The following DLGAP2 variants were observed in gnomAD, a reference collection of about 807,000 sequenced individuals.
The protein encoded by DLGAP2 is disks large-associated protein 2.
DLGAP2 carries 26 observed loss-of-function variants against 100.3 expected under a neutral mutation model. The ratio of observed to expected loss-of-function variants is 0.26; its 90% confidence interval spans 0.19 to 0.36. The LOEUF is 0.36. Among genes scored for constraint, DLGAP2 ranks in the 10% least tolerant of loss-of-function variants. The pLI, the probability that DLGAP2 is intolerant of heterozygous loss-of-function variation, is 1.00. For missense variants in DLGAP2, 1,858 were observed against 1,453.2 expected (o/e 1.28, Z -4.53); for synonymous variants, 886 against 630.1 (o/e 1.41, Z -6.08).
chr8:1,508,801 G>A (rs903566328), intron 4 of DLGAP2, among the ~76,000 whole-genome samples: 8 of 151,750 alleles, frequency 5.3e-5, no homozygotes, highest in South Asian at 2.1e-4. Context: ...CGGACTAAGC[G>A]CCCGGGGAAG....
chr8:1,498,304 A>G (rs1484881158), intron 3 of DLGAP2, among the ~76,000 whole-genome samples: 9 of 152,204 alleles, frequency 5.9e-5, no homozygotes, highest in Non-Finnish European at 7.3e-5. Context: ...GGATCTGGGA[A>G]AAGGAAGGAA....
At chr8:1,323,822 C>T (rs544992356) in intron 3 of DLGAP2, among the ~76,000 whole-genome samples, 1 of 152,342 alleles carries the variant, frequency 6.6e-6, no homozygotes, top group South Asian at 2.1e-4. Flanking sequence ...CCTTTCCTAA[C>T]CACCTGTTCC....
chr8:1,054,685 C>T (rs1455455843), intron 2 of DLGAP2, among the ~76,000 whole-genome samples: 1 of 152,096 alleles, frequency 6.6e-6, no homozygotes, highest in Admixed American at 6.6e-5. Context: ...AAACAATGCA[C>T]TATTCTCAGC....
intron 2 of DLGAP2, among the ~76,000 whole-genome samples, chr8:943,778 G>C (rs1799251102): frequency 6.6e-6 from 1 of 152,284 alleles, no homozygotes; most frequent in Non-Finnish European, 1.5e-5. Context: ...GGAGGAGCTG[G>C]TAGTAAATTT....
intron 10 of DLGAP2, among the ~76,000 whole-genome samples, chr8:1,670,706 A>T (rs1384254404): frequency 6.6e-6 from 1 of 152,166 alleles, no homozygotes; most frequent in African/African-American, 2.4e-5. Context: ...AACGCACAAC[A>T]TCCTGTGTGT....
At chr8:1,084,699 A>G (rs566930845) in intron 2 of DLGAP2, among the ~76,000 whole-genome samples, 68 of 152,230 alleles carry the variant, frequency 4.5e-4, no homozygotes, top group Non-Finnish European at 8.7e-4. Flanking sequence ...TTCAGAAATG[A>G]CAGACATTCT....
intron 1 of DLGAP2, among the ~76,000 whole-genome samples, chr8:878,695 G>A (rs938579238): frequency 6.6e-6 from 1 of 152,112 alleles, no homozygotes. Context: ...TCTCTCAGGA[G>A]TGAGTTCTCC....
intron 5 of DLGAP2, among the ~76,000 whole-genome samples, chr8:1,557,358 G>A (rs1032603980): frequency 3.3e-5 from 5 of 152,134 alleles, no homozygotes; most frequent in Admixed American, 6.5e-5. Flanking sequence ...TCAGGGTCCC[G>A]GAAAGAGCCC....
chr8:1,410,782 G>C (rs548398594), intron 3 of DLGAP2, among the ~76,000 whole-genome samples: 3 of 151,364 alleles, frequency 2.0e-5, no homozygotes, highest in South Asian at 4.2e-4. Context: ...AATTTTCCCA[G>C]ATTATGGCCA....
At chr8:1,257,082 A>G (rs779336698) in intron 2 of DLGAP2, among the ~76,000 whole-genome samples, 2 of 151,882 alleles carry the variant, frequency 1.3e-5, no homozygotes, top group Non-Finnish European at 2.9e-5. Context: ...AGGCAGGTGC[A>G]GTCAGATGTG....
At chr8:990,114 T>A (rs1321795789) in intron 2 of DLGAP2, among the ~76,000 whole-genome samples, 1 of 152,098 alleles carries the variant, frequency 6.6e-6, no homozygotes, top group Non-Finnish European at 1.5e-5. Flanking sequence ...CAGTGCTGTG[T>A]TACCTCCTTT....
At chr8:753,606 G>C (rs941030657) in intron 1 of DLGAP2, 2 of 152,334 alleles carry the variant, frequency 1.3e-5, no homozygotes, top group South Asian at 4.1e-4. Flanking sequence ...GCCACAGACG[G>C]TGGATGGAGA....
chr8:1,484,641 A>G (rs1799191702), intron 3 of DLGAP2, among the ~76,000 whole-genome samples: 1 of 152,270 alleles, frequency 6.6e-6, no homozygotes, highest in African/African-American at 2.4e-5. Context: ...CAAGCTGGAC[A>G]GGAATTTCTG....
intron 3 of DLGAP2, among the ~76,000 whole-genome samples, chr8:1,367,058 G>C (rs1368185334): frequency 6.6e-6 from 1 of 152,178 alleles, no homozygotes; most frequent in Non-Finnish European, 1.5e-5. Flanking sequence ...ACAGACCCCG[G>C]TAAATAACAC....
At chr8:1,116,965 A>T (rs1019296263) in intron 2 of DLGAP2, among the ~76,000 whole-genome samples, 1 of 152,234 alleles carries the variant, frequency 6.6e-6, no homozygotes, top group Non-Finnish European at 1.5e-5. Context: ...TGCGGAAGGG[A>T]GATCCCAGGA....
intron 2 of DLGAP2, among the ~76,000 whole-genome samples, chr8:1,085,914 T>G (rs779246709): frequency 2.0e-5 from 3 of 152,226 alleles, no homozygotes; most frequent in Non-Finnish European, 4.4e-5. Flanking sequence ...ATCCTTCTAT[T>G]TATTTGTATC....
intron 3 of DLGAP2, among the ~76,000 whole-genome samples, chr8:1,347,984 G>C (rs979858172): frequency 6.6e-6 from 1 of 151,170 alleles, no homozygotes; most frequent in Admixed American, 6.6e-5. Flanking sequence ...TAGCTGTGTG[G>C]AGGTTGAGTT....
chr8:1,067,389 G>A (rs1267522760), intron 2 of DLGAP2, among the ~76,000 whole-genome samples: 2 of 152,210 alleles, frequency 1.3e-5, no homozygotes, highest in Admixed American at 6.5e-5. Context: ...GCCTGTAGGA[G>A]CATCACCTGG....
At chr8:1,555,494 A>G (rs1210917040) in intron 5 of DLGAP2, among the ~76,000 whole-genome samples, 2 of 152,072 alleles carry the variant, frequency 1.3e-5, no homozygotes, top group Non-Finnish European at 2.9e-5. Flanking sequence ...CCCGACTGCC[A>G]CAGAATCCTC....
Sources: gnomAD v4.1 joint callset for allele counts (sites outside exome capture counted in the v4.1 genomes callset) on GRCh38, gnomAD v4.1.1 for gene constraint, MANE v1.5 for transcripts, NCBI Gene and HGNC (gene_info 2026-07-23, HGNC 2026-07-21) for gene names.